The following PRNP variants were observed in gnomAD, a reference collection of about 807,000 sequenced individuals.
The protein encoded by PRNP is prion protein (Kanno blood group).
PRNP carries 15 observed loss-of-function variants against 21.3 expected under a neutral mutation model. The ratio of observed to expected loss-of-function variants is 0.71; its 90% CI spans 0.47 to 1.09. PRNP has a LOEUF of 1.09. Ranked by LOEUF, PRNP falls within the 50% of genes least tolerant of loss-of-function variation. PRNP has a pLI of 0.00. For missense variants in PRNP, 285 were observed against 340.9 expected (o/e 0.84, Z 1.29); for synonymous variants, 121 against 123.1 (o/e 0.98, Z 0.11).
chr20:4,691,692 A>G (rs554832923), intron 1 of PRNP, among the ~76,000 whole-genome samples: 50 of 152,226 alleles, frequency 3.3e-4, no homozygotes, highest in Non-Finnish European at 7.1e-4. Context: ...TTTTGCACCT[A>G]TGTTCATCAG....
In PRNP at chr20:4,699,365, T is replaced by C; in HGVS notation, c.145T>C (p.Tyr49His). 6.2e-7 allele frequency: 1 copy of C among 1,613,558 alleles called. No homozygotes were observed. Among genetic ancestry groups the C allele is most frequent in the Non-Finnish European group, 8.5e-7 (1 of 1,179,892 alleles). The change falls in exon 2 of 2, where the codon TAC becomes CAC. Residue 49 changes from tyrosine (Y) to histidine (H), a missense_variant. By Grantham distance (83) the Tyr-to-His change is moderately conservative. Transcript: ENST00000379440. The surrounding 1 kb of genome is among the most constrained non-coding windows in gnomAD (Gnocchi z 5.8). Reference sequence around the variant, plus strand: ...GCAGGGCAGCCCTGGAGGCAACCGCTACCCACCTCAGGGCGGTGGTGGCTG... The same window carrying C: ...GCAGGGCAGCCCTGGAGGCAACCGCCACCCACCTCAGGGCGGTGGTGGCTG... ...PGQGSPGGNR[Y>H]PPQGGGGWGQ...
rs1304343878 is a variant in PRNP, at chr20:4,697,866, G to A, written c.-10-1345G>A. ...GTTGGAAAAATTGAGAAGCTGAGGT[G>A]CTTAGCATTGATTTTCAAGGTAGAG... On this transcript the variant is annotated intron_variant, in intron 1 of 1. Transcript: ENST00000379440. The surrounding 1 kb of genome is among the most constrained non-coding windows in gnomAD (Gnocchi z 4.6). Among the ~76,000 whole-genome samples, 1 of 152,172 alleles carries A rather than the reference G, an allele frequency of 6.6e-6. No individual in the cohort carries two copies. Among genetic ancestry groups the A allele is most frequent in the Non-Finnish European group, 1.5e-5 (1 of 68,038 alleles).
At chr20:4,695,917 G>T (rs992718226) in intron 1 of PRNP, among the ~76,000 whole-genome samples, 1 of 152,036 alleles carries the variant, frequency 6.6e-6, no homozygotes, top group African/African-American at 2.4e-5. Context: ...TTATTGGTTC[G>T]TGGTGCCCAT....
intron 1 of PRNP, among the ~76,000 whole-genome samples, chr20:4,690,795 A>T (rs1437080986): frequency 6.6e-6 from 1 of 152,242 alleles, no homozygotes; most frequent in Non-Finnish European, 1.5e-5. Flanking sequence ...TCTATTCAAC[A>T]TATGGTACTG....
intron 1 of PRNP, among the ~76,000 whole-genome samples, chr20:4,695,220 A>T (rs980561062): frequency 2.0e-5 from 3 of 152,036 alleles, no homozygotes; most frequent in African/African-American, 7.2e-5. Context: ...GGTTTGTCAT[A>T]CAGATTATTT....
At position 4,700,133 on chromosome 20, in the gene PRNP, C is replaced by T. The variant is rs1922512297; in HGVS notation, c.*151C>T. ...TCAATACCCTTGGCACTGATGGGCACTGGAAAACATAGAGTAGACCTGAGA... is the reference window on the plus strand; with the variant it reads ...TCAATACCCTTGGCACTGATGGGCATTGGAAAACATAGAGTAGACCTGAGA... On this transcript the variant is annotated 3_prime_UTR_variant, in exon 2 of 2. Transcript: ENST00000379440. The surrounding 1 kb of genome is among the most constrained non-coding windows in gnomAD (Gnocchi z 4.1). The T allele has an allele frequency of 3.2e-6, 5 of 1,548,526 alleles. No individual in the cohort carries two copies. In the Middle Eastern group the frequency reaches 5.0e-4, roughly 155 times the overall value.
rs2122190642 is a variant in PRNP at position 4,686,980 on chromosome 20, G to A, written c.-11+468G>A. On this transcript the variant is annotated intron_variant, in intron 1 of 1. Coordinates refer to ENST00000379440, the MANE Select transcript of PRNP (RefSeq NM_000311.5). This position sits in a 1 kb window ranked among gnomAD's most constrained non-coding sequence, Gnocchi z 6.7. ...GCTCCCCGCCCGTTGGCCGCCCCTC[G>A]GAGGCCGAGATCGGGGCCCAGAACG... Among the ~76,000 whole-genome samples, 1 of 151,900 alleles carries A rather than the reference G, an allele frequency of 6.6e-6. No homozygotes were observed. Among genetic ancestry groups the A allele is most frequent in the African/African-American group, 2.4e-5 (1 of 41,500 alleles).
rs755965945 is a variant in PRNP, at chr20:4,700,002, A to AT, written c.*20_*21insT. 1.3e-6 allele frequency: 2 copies of AT among 1,587,548 alleles called. No individual in the cohort carries two copies. Among genetic ancestry groups the AT allele is most frequent in the Non-Finnish European group, 1.7e-6 (2 of 1,166,202 alleles). On this transcript the variant is annotated 3_prime_UTR_variant, in exon 2 of 2. Coordinates refer to ENST00000379440, the MANE Select transcript of PRNP (RefSeq NM_000311.5). The surrounding 1 kb of genome is among the most constrained non-coding windows in gnomAD (Gnocchi z 4.1). ...GGATGAGGAAGGTCTTCCTGTTTTC[A>AT]CCATCTTTCTAATCTTTTTCCAGCT... is the stretch of plus-strand genomic sequence containing the variant.
In PRNP at chr20:4,699,107, C is replaced by T. The variant is rs564895798; in HGVS notation, c.-10-104C>T. On this transcript the variant is annotated intron_variant, in intron 1 of 1. Transcript: ENST00000379440. This position sits in a 1 kb window ranked among gnomAD's most constrained non-coding sequence, Gnocchi z 5.8. ...GTACAGGGTGGCAACAGTGTTTCTACTGAGCAGCTGATACCATTGCTATGC... is the reference window on the plus strand; with the variant it reads ...GTACAGGGTGGCAACAGTGTTTCTATTGAGCAGCTGATACCATTGCTATGC... The T allele has an allele frequency of 5.3e-5, 73 of 1,390,144 alleles. 3 individuals carry two copies. In the South Asian group the frequency reaches 8.6e-4, roughly 16 times the overall value. The allele number at this position is 1,390,144 out of a possible 1,614,324, so 86.1% of individuals were successfully genotyped here.
At chr20:4,691,704 G>A (rs1255606920) in intron 1 of PRNP, among the ~76,000 whole-genome samples, 1 of 152,146 alleles carries the variant, frequency 6.6e-6, no homozygotes, top group African/African-American at 2.4e-5. Flanking sequence ...GTTCATCAGG[G>A]ATATTGGCCT....
At chr20:4,687,034 AT>A (rs1921490928) in intron 1 of PRNP, among the ~76,000 whole-genome samples, 1 of 151,822 alleles carries the variant, frequency 6.6e-6, no homozygotes. Flanking sequence ...CGCTTCCGCG[AT>A]GCCCAGAGGG....
rs1257130074 is a variant in PRNP at position 4,686,526 on chromosome 20, G to A, written c.-11+14G>A. The A allele has an allele frequency of 2.0e-5, 3 of 151,954 alleles. No homozygotes were observed. Among genetic ancestry groups the A allele is most frequent in the Non-Finnish European group, 2.9e-5 (2 of 67,954 alleles). The allele number at this position is 151,954 out of a possible 1,614,324, so 9.4% of individuals were successfully genotyped here. On this transcript the variant is annotated intron_variant, in intron 1 of 1. Transcript: ENST00000379440. This position sits in a 1 kb window ranked among gnomAD's most constrained non-coding sequence, Gnocchi z 6.7. ...CGACCGAGGCAGGTAAACGCCCGGGGTGGGAGGAACGCGGGCGGGGGCAGG... is the reference window on the plus strand; with the variant it reads ...CGACCGAGGCAGGTAAACGCCCGGGATGGGAGGAACGCGGGCGGGGGCAGG...
chr20:4,696,166 C>G (rs1488168551), intron 1 of PRNP, among the ~76,000 whole-genome samples: 1 of 152,128 alleles, frequency 6.6e-6, no homozygotes, highest in African/African-American at 2.4e-5. Flanking sequence ...TACTGAACTT[C>G]TCAAAAAATT....
intron 1 of PRNP, among the ~76,000 whole-genome samples, chr20:4,694,510 C>T (rs940319767): frequency 6.6e-6 from 1 of 152,210 alleles, no homozygotes; most frequent in South Asian, 2.1e-4. Context: ...AATTTATTAA[C>T]CTTTTAAAGC....
chr20:4,699,111 G>A lies in PRNP; in HGVS notation c.-10-100G>A. On this transcript the variant is annotated intron_variant, in intron 1 of 1. Transcript: ENST00000379440. This position sits in a 1 kb window ranked among gnomAD's most constrained non-coding sequence, Gnocchi z 5.8. ...AGGGTGGCAACAGTGTTTCTACTGA[G>A]CAGCTGATACCATTGCTATGCACTC... 1 of 1,412,430 alleles carries A rather than the reference G, an allele frequency of 7.1e-7. No homozygotes were observed. The highest frequency in any genetic ancestry group is 2.3e-5 in the East Asian group (1 of 43,760). 87.5% of individuals were successfully genotyped at this position (1,412,430 alleles called of 1,614,324 possible).
At chr20:4,692,494 A>G (rs1921896834) in intron 1 of PRNP, among the ~76,000 whole-genome samples, 1 of 152,214 alleles carries the variant, frequency 6.6e-6, no homozygotes, top group Admixed American at 6.5e-5. Context: ...ATTGTTCACC[A>G]CATTAATGGG....
chr20:4,699,800 A>G lies in PRNP; in HGVS notation c.580A>G (p.Lys194Glu). 1.9e-6 allele frequency: 3 copies of G among 1,613,894 alleles called. No homozygotes were observed. Among genetic ancestry groups the G allele is most frequent in the Non-Finnish European group, 2.5e-6 (3 of 1,179,972 alleles). ...IKQHTVTTTTKGENFTETDVK... is the reference protein window; with the variant it reads ...IKQHTVTTTTEGENFTETDVK... ...GCAGCACACGGTCACCACAACCACCAAGGGGGAGAACTTCACCGAGACCGA... is the reference window on the plus strand; with the variant it reads ...GCAGCACACGGTCACCACAACCACCGAGGGGGAGAACTTCACCGAGACCGA... The change falls in exon 2 of 2, where the codon AAG (lysine) becomes GAG (glutamate). Residue 194 changes from lysine to glutamate, a missense_variant. Coordinates refer to ENST00000379440, the MANE Select transcript of PRNP (RefSeq NM_000311.5). The surrounding 1 kb of genome is among the most constrained non-coding windows in gnomAD (Gnocchi z 5.8).
intron 1 of PRNP, among the ~76,000 whole-genome samples, chr20:4,691,140 C>CT (rs1288140605): frequency 6.6e-6 from 1 of 152,118 alleles, no homozygotes; most frequent in African/African-American, 2.4e-5. Flanking sequence ...CTATAAAACA[C>CT]TGATGAAAGA....
At chr20:4,690,856 A>G (rs1270526595) in intron 1 of PRNP, among the ~76,000 whole-genome samples, 2 of 152,196 alleles carry the variant, frequency 1.3e-5, no homozygotes, top group African/African-American at 4.8e-5. Flanking sequence ...AAAGCATCCA[A>G]ATTTGAAAGG....
Sources: gnomAD v4.1 joint callset for allele counts (sites outside exome capture counted in the v4.1 genomes callset) on GRCh38, gnomAD v4.1.1 for gene constraint, Gnocchi (gnomAD v3.1) non-coding constraint, MANE v1.5 for transcripts, NCBI Gene and HGNC (gene_info 2026-07-23, HGNC 2026-07-21) for gene names.